GALNT13: variants seen among roughly 807,000 people sequenced by gnomAD.
The protein encoded by GALNT13 is polypeptide N-acetylgalactosaminyltransferase 13, also known as UDP-GalNAc:polypeptide N-acetylgalactosaminyltransferase 13.
Under a neutral mutation model 64.2 loss-of-function variants are expected in GALNT13, and 28 were observed. The observed-to-expected ratio is 0.44, with a 90% CI of 0.32 to 0.60. The LOEUF (loss-of-function observed/expected upper bound fraction) is 0.60. Ranked by LOEUF, GALNT13 falls within the 20% of genes least tolerant of loss-of-function variation. The pLI is 0.05. For synonymous variants in GALNT13, 214 were observed against 224.6 expected, an observed-to-expected ratio of 0.95 and a Z score of 0.42; for missense variants, 577 against 669.8, an observed-to-expected ratio of 0.86 and a Z score of 1.53.
the GALNT13 span, among the ~76,000 whole-genome samples, chr2:153,331,240 C>T: frequency 5.5e-4 from 58 of 105,150 alleles, no homozygotes; most frequent in Middle Eastern, 5.6e-3. Flanking sequence ...TTTTTTTTTT[C>T]ATCATGTCTT....
At chr2:153,261,610 G>T in the GALNT13 span, among the ~76,000 whole-genome samples, 1 of 152,074 alleles carries the variant, frequency 6.6e-6, no homozygotes, top group Non-Finnish European at 1.5e-5. Context: ...ACCACTACTT[G>T]GACTATGCTG....
intron 9 of GALNT13, among the ~76,000 whole-genome samples, chr2:154,375,610 C>T (rs543357960): frequency 1.3e-5 from 2 of 152,248 alleles, no homozygotes; most frequent in African/African-American, 4.8e-5. Flanking sequence ...ACGCAGCCAC[C>T]AAGAGACTAG....
At chr2:153,571,585 T>C in the GALNT13 span, among the ~76,000 whole-genome samples, 1 of 152,174 alleles carries the variant, frequency 6.6e-6, no homozygotes, top group African/African-American at 2.4e-5. Context: ...GCTGTGGGTG[T>C]GCCATATATA....
chr2:153,900,580 C>A (rs1022490461), intron 1 of GALNT13, among the ~76,000 whole-genome samples: 1 of 152,166 alleles, frequency 6.6e-6, no homozygotes, highest in South Asian at 2.1e-4. Flanking sequence ...ATCACCTCAA[C>A]TCTCCACGTA....
chr2:153,505,785 T>G, the GALNT13 span, among the ~76,000 whole-genome samples: 1 of 152,182 alleles, frequency 6.6e-6, no homozygotes, highest in Non-Finnish European at 1.5e-5. Context: ...TCATGCGGTC[T>G]ATCTTGGAGA....
chr2:154,091,548 A>T (rs1223644113), intron 3 of GALNT13, among the ~76,000 whole-genome samples: 1 of 151,920 alleles, frequency 6.6e-6, no homozygotes, highest in Non-Finnish European at 1.5e-5. Context: ...TTTATAACAT[A>T]CATCATACTT....
chr2:153,178,873 C>T, the GALNT13 span, among the ~76,000 whole-genome samples: 1 of 151,216 alleles, frequency 6.6e-6, no homozygotes, highest in South Asian at 2.1e-4. Flanking sequence ...GTAGCTGGAC[C>T]AGAGGCGTGC....
chr2:153,384,359 A>G, the GALNT13 span, among the ~76,000 whole-genome samples: 2 of 152,074 alleles, frequency 1.3e-5, no homozygotes, highest in Non-Finnish European at 2.9e-5. Flanking sequence ...TACCATTTTT[A>G]AAACTTCGTG....
chr2:153,491,257 A>G, the GALNT13 span, among the ~76,000 whole-genome samples: 1 of 152,130 alleles, frequency 6.6e-6, no homozygotes, highest in Non-Finnish European at 1.5e-5. Flanking sequence ...AAAATTTAAC[A>G]GATATACAAT....
chr2:154,078,439 A>G (rs1009863935), intron 3 of GALNT13, among the ~76,000 whole-genome samples: 1 of 151,664 alleles, frequency 6.6e-6, no homozygotes, highest in Non-Finnish European at 1.5e-5. Context: ...AGCTATAGAT[A>G]GATAGATAGA....
At chr2:154,296,482 G>A (rs1692930319) in intron 8 of GALNT13, among the ~76,000 whole-genome samples, 1 of 152,204 alleles carries the variant, frequency 6.6e-6, no homozygotes, top group African/African-American at 2.4e-5. Context: ...TCCATAGGAA[G>A]GGAGGGAAAA....
At chr2:153,154,671 G>A in the GALNT13 span, among the ~76,000 whole-genome samples, 1 of 152,100 alleles carries the variant, frequency 6.6e-6, no homozygotes. Context: ...ATAGGATCAC[G>A]CTATCTGCAA....
chr2:153,684,354 C>T, the GALNT13 span, among the ~76,000 whole-genome samples: 1 of 151,586 alleles, frequency 6.6e-6, no homozygotes, highest in Non-Finnish European at 1.5e-5. Flanking sequence ...TATGTATGAG[C>T]TCTTCATTGC....
chr2:153,731,800 A>G, the GALNT13 span, among the ~76,000 whole-genome samples: 2 of 151,906 alleles, frequency 1.3e-5, no homozygotes, highest in African/African-American at 2.4e-5. Flanking sequence ...GCTATAAACT[A>G]TTGAGAAAGA....
At chr2:153,776,162 A>C in the GALNT13 span, among the ~76,000 whole-genome samples, 1 of 152,354 alleles carries the variant, frequency 6.6e-6, no homozygotes, top group Middle Eastern at 3.4e-3. Context: ...TGTAGAAATA[A>C]ATCAAAAAAC....
chr2:154,199,040 C>T (rs752469013), intron 4 of GALNT13, among the ~76,000 whole-genome samples: 28 of 151,808 alleles, frequency 1.8e-4, no homozygotes, highest in Non-Finnish European at 2.4e-4. Context: ...AGAAAGAGGT[C>T]GAAGTGCTTG....
the GALNT13 span, among the ~76,000 whole-genome samples, chr2:153,231,096 A>C: frequency 6.6e-6 from 1 of 152,076 alleles, no homozygotes; most frequent in Admixed American, 6.6e-5. Flanking sequence ...AAGCTCCTTC[A>C]TCGGTTTTAA....
the GALNT13 span, among the ~76,000 whole-genome samples, chr2:153,816,868 A>G: frequency 5.3e-5 from 8 of 152,288 alleles, no homozygotes; most frequent in South Asian, 4.1e-4. Context: ...ATAAGTTACA[A>G]TGCAGACTCT....
At chr2:154,254,027 G>A (rs941229453) in intron 7 of GALNT13, among the ~76,000 whole-genome samples, 3 of 152,182 alleles carry the variant, frequency 2.0e-5, no homozygotes, top group Admixed American at 2.0e-4. Flanking sequence ...GGAAGAGTAT[G>A]TCTTGATTGA....
Sources: allele counts gnomAD v4.1 joint callset (sites outside exome capture counted in the v4.1 genomes callset), GRCh38; gene constraint gnomAD v4.1.1; transcripts MANE v1.5; gene names NCBI Gene and HGNC (gene_info 2026-07-23, HGNC 2026-07-21).